Variants in OXR1 observed in about 807,000 individuals in gnomAD.
OXR1 encodes the protein oxidation resistance 1, also known as oxidation resistance protein 1.
In OXR1, 41 loss-of-function variants were observed where a neutral mutation model predicts 104.6. That is an observed-to-expected ratio of 0.39 (90% CI 0.31 to 0.51). The LOEUF is 0.51. OXR1 is among the 20% of genes least tolerant of loss of function. OXR1 has a pLI of 0.77. For missense variants in OXR1, 955 were observed against 1,031.9 expected (o/e 0.93, Z 1.02); for synonymous variants, 348 against 348.4 (o/e 1.00, Z 0.01).
chr8:106,592,396 A>C (rs1819168957), intron 3 of OXR1, among the ~76,000 whole-genome samples: 1 of 152,326 alleles, frequency 6.6e-6, no homozygotes, highest in African/African-American at 2.4e-5. Flanking sequence ...AGTGCTTTCC[A>C]TGATTTCTTT....
Position 106,450,228 on chromosome 8 carries a change from A to C in OXR1, c.24-68715A>C, listed in dbSNP as rs142428752. Among the ~76,000 whole-genome samples the C allele has an allele frequency of 1.9e-4, 29 of 152,308 alleles. 1 individual carries two copies. The East Asian group carries it at 5.2e-3, about 27-fold the overall frequency. On this transcript the variant is annotated intron_variant, in intron 2 of 16. Coordinates refer to ENST00000517566, the MANE Select transcript of OXR1 (RefSeq NM_001198533.2). ...AGGTCTGCTTATGAAGACGTTCCTC[A>C]TAACGCTGCAATTTCTTAGTGATTA... is the stretch of plus-strand genomic sequence containing the variant.
intron 3 of OXR1, among the ~76,000 whole-genome samples, chr8:106,584,512 A>G (rs1215875800): frequency 1.3e-5 from 2 of 152,142 alleles, no homozygotes; most frequent in Non-Finnish European, 2.9e-5. Context: ...TGAGGGAGAC[A>G]TATTCATTCA....
intron 2 of OXR1, among the ~76,000 whole-genome samples, chr8:106,409,762 T>C (rs1333063857): frequency 6.6e-6 from 1 of 152,168 alleles, no homozygotes; most frequent in African/African-American, 2.4e-5. Context: ...AAGAATTAGT[T>C]TGACTTTCTT....
intron 3 of OXR1, among the ~76,000 whole-genome samples, chr8:106,615,066 C>T (rs886448792): frequency 6.6e-6 from 1 of 152,146 alleles, no homozygotes; most frequent in African/African-American, 2.4e-5. Context: ...TGCCTGTCAT[C>T]CTAGCACTTT....
chr8:106,734,475 T>A (rs1229977664), intron 11 of OXR1, among the ~76,000 whole-genome samples: 3 of 152,216 alleles, frequency 2.0e-5, no homozygotes, highest in African/African-American at 7.2e-5. Context: ...GTAGTAAAAA[T>A]GGCACATTGA....
chr8:106,513,086 A>G (rs911389273), intron 2 of OXR1, among the ~76,000 whole-genome samples: 13 of 152,160 alleles, frequency 8.5e-5, no homozygotes, highest in African/African-American at 3.1e-4. Context: ...TGCTTCTAGT[A>G]AAATAGAAAT....
chr8:106,503,563 A>G (rs1283235394), intron 2 of OXR1, among the ~76,000 whole-genome samples: 1 of 152,234 alleles, frequency 6.6e-6, no homozygotes, highest in Non-Finnish European at 1.5e-5. Flanking sequence ...CAAATAGGTA[A>G]GAGCCTTCAT....
intron 3 of OXR1, among the ~76,000 whole-genome samples, chr8:106,569,480 T>C (rs1817312804): frequency 1.3e-5 from 2 of 152,320 alleles, no homozygotes; most frequent in Non-Finnish European, 2.9e-5. Context: ...AAGCAAATCA[T>C]CGCATCCTAA....
At chr8:106,333,142 C>T (rs573978253) in intron 1 of OXR1, among the ~76,000 whole-genome samples, 2 of 152,070 alleles carry the variant, frequency 1.3e-5, no homozygotes, top group South Asian at 4.1e-4. Flanking sequence ...ATTTTTAATA[C>T]TCTTGTATGG....
chr8:106,657,745 C>A lies in OXR1; in HGVS notation c.221-21465C>A, dbSNP rs867145105. 3.1e-5 allele frequency: 27 copies of A among 857,852 alleles called. 1 individual carries two copies. In the Middle Eastern group the frequency reaches 2.9e-3, roughly 93 times the overall value. 53.1% of individuals were successfully genotyped at this position (857,852 alleles called of 1,614,324 possible). The stretch of plus-strand genomic sequence containing the variant: ...TTCTGCCTCATTTTGCATTTAGAAG[C>A]CACAAGAAAAACTTTTCGAAAACTT... On this transcript the variant is annotated intron_variant, in intron 3 of 16. Transcript: ENST00000517566.
At chr8:106,726,551 G>A (rs574960375) in intron 11 of OXR1, among the ~76,000 whole-genome samples, 17 of 152,102 alleles carry the variant, frequency 1.1e-4, no homozygotes, top group Non-Finnish European at 2.4e-4. Context: ...TACACCAACA[G>A]GAAGATATCA....
chr8:106,538,462 C>T (rs1447990147), intron 3 of OXR1, among the ~76,000 whole-genome samples: 1 of 151,812 alleles, frequency 6.6e-6, no homozygotes, highest in Non-Finnish European at 1.5e-5. Flanking sequence ...TTTTTTTCCC[C>T]TCCCATTAAG....
At chr8:106,724,910 A>C (rs759019947) in intron 11 of OXR1, among the ~76,000 whole-genome samples, 2 of 152,094 alleles carry the variant, frequency 1.3e-5, no homozygotes, top group Non-Finnish European at 2.9e-5. Flanking sequence ...CACACGTCAT[A>C]TTTGTTATTT....
At chr8:106,333,865 T>G (rs965756477) in intron 1 of OXR1, among the ~76,000 whole-genome samples, 15 of 152,152 alleles carry the variant, frequency 9.9e-5, no homozygotes, top group African/African-American at 3.6e-4. Context: ...TATTGTAACT[T>G]TGTAGTAAAT....
rs577545888 is a variant in OXR1 at position 106,319,111 on chromosome 8, A to G, written c.-138-40365A>G. Among the ~76,000 whole-genome samples, 6 of 152,336 alleles carry G rather than the reference A, an allele frequency of 3.9e-5. No homozygotes were observed. The South Asian group carries it at 1.2e-3, about 32-fold the overall frequency. On this transcript the variant is annotated intron_variant, in intron 1 of 16. Transcript: ENST00000517566. ...GATGCCTTACAAAATTAATTTAATA[A>G]CTAGCTAAATATAGCATACCATTTT... is the stretch of plus-strand genomic sequence containing the variant.
intron 7 of OXR1, among the ~76,000 whole-genome samples, chr8:106,699,083 A>G (rs1480469595): frequency 6.6e-6 from 1 of 152,234 alleles, no homozygotes; most frequent in Non-Finnish European, 1.5e-5. Context: ...TGTTAGGACC[A>G]GAATAGCCTT....
chr8:106,578,854 GC>G (rs1818032967), intron 3 of OXR1, among the ~76,000 whole-genome samples: 1 of 152,062 alleles, frequency 6.6e-6, no homozygotes, highest in Non-Finnish European at 1.5e-5. Flanking sequence ...TGTTTGCATT[GC>G]TCTTATCAAG....
chr8:106,640,327 T>C (rs1429701927), intron 3 of OXR1, among the ~76,000 whole-genome samples: 1 of 151,286 alleles, frequency 6.6e-6, no homozygotes, highest in Non-Finnish European at 1.5e-5. Flanking sequence ...TACTAATACA[T>C]ATATTTGCAT....
At chr8:106,284,322 G>T (rs1563693895) in intron 1 of OXR1, among the ~76,000 whole-genome samples, 1 of 152,000 alleles carries the variant, frequency 6.6e-6, no homozygotes, top group Non-Finnish European at 1.5e-5. Flanking sequence ...AAATAGGTTG[G>T]CACATATGAG....
Sources: allele counts gnomAD v4.1 joint callset (sites outside exome capture counted in the v4.1 genomes callset), GRCh38; gene constraint gnomAD v4.1.1; transcripts MANE v1.5; gene names NCBI Gene and HGNC (gene_info 2026-07-23, HGNC 2026-07-21).